Variants in YARS1 observed in about 807,000 individuals in gnomAD.
YARS1 encodes the protein tyrosine--tRNA ligase, cytoplasmic.
YARS1 carries 36 observed loss-of-function variants against 62.2 expected under a neutral mutation model. The observed-to-expected ratio is 0.58, with a 90% confidence interval of 0.44 to 0.76. The LOEUF (loss-of-function observed/expected upper bound fraction) is 0.76, where lower values mean the gene tolerates loss of function less well. Among genes scored for constraint, YARS1 ranks in the 30% least tolerant of loss-of-function variants. The pLI, the probability that YARS1 is intolerant of heterozygous loss-of-function variation, is 0.00. For missense variants in YARS1, 524 were observed against 639.8 expected, an observed-to-expected ratio of 0.82 and a Z score of 1.95; for synonymous variants, 234 against 244.9, an observed-to-expected ratio of 0.96 and a Z score of 0.42.
intron 7 of YARS1, 131 bp downstream of exon 7, chr1:32,786,802 TTAATATA>T (rs1653242258): frequency 8.4e-7 from 1 of 1,185,194 alleles, no homozygotes; most frequent in East Asian, 2.4e-5. Context: ...CATTCATACT[TTAATATA>T]TAAGAAATCA....
chr1:32,816,897 C>T, intron 1 of YARS1: 1 of 570,088 alleles, frequency 1.8e-6, no homozygotes, highest in South Asian at 2.1e-5. Flanking sequence ...AGCGACTAAG[C>T]ACCACGTCTG....
At chr1:32,783,568 C>T (rs1653127701) in intron 8 of YARS1, 1 of 152,198 alleles carries the variant, frequency 6.6e-6, no homozygotes, top group African/African-American at 2.4e-5. Flanking sequence ...CTCAGCCTCC[C>T]AAAGTGCTGG....
rs769566379 is a variant in YARS1 at position 32,776,098 on chromosome 1, A to G, written c.1477-7T>C. 4.4e-6 allele frequency: 7 copies of G among 1,608,290 alleles called. No homozygotes were observed. The highest frequency in any genetic ancestry group is 6.0e-6 in the Non-Finnish European group (7 of 1,175,176). ...CAGAAATTTTGAAGTCAGCCTGGAC[A>G]AGACAGATAAGAGAGATTTTAATGA... On this transcript the variant is annotated splice_region_variant and splice_polypyrimidine_tract_variant and intron_variant, in intron 12 of 12. Transcript: ENST00000373477. The surrounding 1 kb of genome is among the most constrained non-coding windows in gnomAD (Gnocchi z 4.0).
chr1:32,816,515 G>C (rs111752899), intron 1 of YARS1, among the ~76,000 whole-genome samples: 3 of 152,320 alleles, frequency 2.0e-5, no homozygotes, highest in African/African-American at 7.2e-5. Context: ...GCCTGAAAAA[G>C]TTAAGGGGTA....
rs1241346533 is a variant in YARS1, at chr1:32,815,856, T to C, written c.57+1332A>G. ...CGGGAGCCGTGGCTCACGCCTGTAA[T>C]CCCAGCACTCTGGGAGGCCAAGGAG... On this transcript the variant is annotated intron_variant, in intron 1 of 12. Coordinates refer to ENST00000373477, the MANE Select transcript of YARS1 (RefSeq NM_003680.4). Among the ~76,000 whole-genome samples the C allele has an allele frequency of 5.3e-5, 8 of 152,218 alleles. No homozygotes were observed. In the East Asian group the frequency reaches 1.5e-3, roughly 29 times the overall value.
chr1:32,808,125 A>C (rs1638504007), intron 3 of YARS1, among the ~76,000 whole-genome samples: 3 of 151,834 alleles, frequency 2.0e-5, no homozygotes, highest in South Asian at 4.1e-4. Context: ...TCTGGTCTCG[A>C]ATTCCTGAGC....
Position 32,781,037 on chromosome 1 carries a change from A to T in YARS1, c.1140+11T>A. 1 of 1,613,876 alleles carries T rather than the reference A, an allele frequency of 6.2e-7. No individual in the cohort carries two copies. Among genetic ancestry groups the T allele is most frequent in the South Asian group, 1.1e-5 (1 of 91,078 alleles). On this transcript the variant is annotated intron_variant, in intron 10 of 12. Coordinates refer to ENST00000373477, the MANE Select transcript of YARS1 (RefSeq NM_003680.4). ...AATCTGCCTCTCTGAGATGTGGTGA[A>T]AAATGAGTACCTTCTCCACAGTGAT...
At chr1:32,804,761 G>A (rs1638410351) in intron 4 of YARS1, among the ~76,000 whole-genome samples, 1 of 151,756 alleles carries the variant, frequency 6.6e-6, no homozygotes, top group African/African-American at 2.4e-5. Context: ...GGGCGGCCGG[G>A]CAGAGGGGCT....
At chr1:32,783,763 A>G (rs531738654) in intron 8 of YARS1, 14 of 152,326 alleles carry the variant, frequency 9.2e-5, no homozygotes, top group East Asian at 5.8e-4. Context: ...TAATTTTAAT[A>G]AAAGCTCTAG....
intron 1 of YARS1, among the ~76,000 whole-genome samples, chr1:32,812,370 A>C (rs1359877460): frequency 1.3e-5 from 2 of 152,204 alleles, no homozygotes; most frequent in East Asian, 3.8e-4. Flanking sequence ...AGATAGTAAG[A>C]CTGACAAAAC....
At position 32,785,409 on chromosome 1, in the gene YARS1, C is replaced by G. The variant is rs190148101; in HGVS notation, c.906+953G>C. 1.7e-3 allele frequency among the ~76,000 whole-genome samples: 250 copies of G among 149,502 alleles called. 2 individuals are homozygous for G. The highest frequency in any genetic ancestry group is 5.9e-3 in the African/African-American group (241 of 40,722). On this transcript the variant is annotated intron_variant, in intron 8 of 12. Transcript: ENST00000373477. The stretch of plus-strand genomic sequence containing the variant: ...CTGGGAGGCGGAGGTTGCAGTGAGC[C>G]GAGATCGTGCCACTGCACTCCAGCC...
At chr1:32,806,399 A>G (rs1343763217) in intron 4 of YARS1, 83 bp downstream of exon 4, 1 of 1,606,390 alleles carries the variant, frequency 6.2e-7, no homozygotes, top group Non-Finnish European at 8.5e-7. Context: ...TGCGTAGTGC[A>G]GTAAAGCAAA....
At chr1:32,814,533 G>A (rs2148618228) in intron 1 of YARS1, among the ~76,000 whole-genome samples, 1 of 152,268 alleles carries the variant, frequency 6.6e-6, no homozygotes, top group East Asian at 1.9e-4. Context: ...GGAATTACAG[G>A]TGCCCGCCAC....
At chr1:32,797,297 A>G (rs1170232159) in intron 5 of YARS1, among the ~76,000 whole-genome samples, 2 of 151,692 alleles carry the variant, frequency 1.3e-5, no homozygotes, top group Non-Finnish European at 2.9e-5. Context: ...GCTTGAGCCC[A>G]GGCTGTCGAG....
At chr1:32,785,180 C>T (rs1474239577) in intron 8 of YARS1, among the ~76,000 whole-genome samples, 3 of 152,106 alleles carry the variant, frequency 2.0e-5, no homozygotes, top group Admixed American at 6.5e-5. Context: ...AGAGCCCTGG[C>T]CGGGCACAGG....
At chr1:32,786,516 C>G (rs771992821) in intron 7 of YARS1, 69 bp from the exon 8 acceptor site, 3 of 949,206 alleles carry the variant, frequency 3.2e-6, no homozygotes, top group Non-Finnish European at 3.0e-6. Context: ...ATGACTATTC[C>G]TAGCCCACAT....
At chr1:32,782,719 C>T in intron 8 of YARS1, 180 bp from the exon 9 acceptor site, 1 of 756,406 alleles carries the variant, frequency 1.3e-6, no homozygotes, top group Non-Finnish European at 2.1e-6. Flanking sequence ...GTCCAAAATC[C>T]AAGTCTTTTG....
chr1:32,800,719 G>A (rs1025325991), intron 4 of YARS1, among the ~76,000 whole-genome samples: 4 of 151,884 alleles, frequency 2.6e-5, no homozygotes, highest in East Asian at 1.9e-4. Flanking sequence ...GTCTACAGGC[G>A]CCCGTCACCA....
At position 32,775,760 on chromosome 1, in the gene YARS1, G is replaced by T. The variant is rs943536356; in HGVS notation, c.*221C>A. The T allele has an allele frequency of 1.7e-5, 10 of 596,030 alleles. No individual in the cohort carries two copies. Among genetic ancestry groups the T allele is most frequent in the Non-Finnish European group, 3.0e-5 (10 of 332,634 alleles). 36.9% of individuals were successfully genotyped at this position (596,030 alleles called of 1,614,324 possible). ...AGGTAGGGCTGGACTCCCTGCTGTG[G>T]CCCAGCCCTTGTTAGGGGTTGGTCT... On this transcript the variant is annotated 3_prime_UTR_variant, in exon 13 of 13. Transcript: ENST00000373477.
Sources: allele counts gnomAD v4.1 joint callset (sites outside exome capture counted in the v4.1 genomes callset), GRCh38; gene constraint gnomAD v4.1.1; non-coding constraint Gnocchi (gnomAD v3.1); transcripts MANE v1.5; gene names NCBI Gene and HGNC (gene_info 2026-07-23, HGNC 2026-07-21).